The following MDGA1 variants were observed in gnomAD, a reference collection of about 807,000 sequenced individuals.
MDGA1 encodes MAM domain containing glycosylphosphatidylinositol anchor 1.
MDGA1 carries 54 observed loss-of-function variants against 101.5 expected under a neutral mutation model. The observed-to-expected ratio is 0.53, with a 90% CI of 0.43 to 0.67. The LOEUF (loss-of-function observed/expected upper bound fraction) is 0.67, where lower values mean the gene tolerates loss of function less well. Ranked by LOEUF, MDGA1 falls within the 30% of genes least tolerant of loss-of-function variation. MDGA1 has a pLI of 0.00. For synonymous variants in MDGA1, 533 were observed against 558.3 expected, an observed-to-expected ratio of 0.95 and a Z score of 0.64; for missense variants, 1,083 against 1,323.8, an observed-to-expected ratio of 0.82 and a Z score of 2.82.
intron 1 of MDGA1, among the ~76,000 whole-genome samples, chr6:37,674,382 C>A (rs908337317): frequency 4.6e-5 from 7 of 152,244 alleles, no homozygotes; most frequent in Admixed American, 2.6e-4. Context: ...TGCAAGCCTG[C>A]TACAGTTTGC....
chr6:37,679,612 C>G (rs1168793956), intron 1 of MDGA1, among the ~76,000 whole-genome samples: 1 of 152,204 alleles, frequency 6.6e-6, no homozygotes, highest in Non-Finnish European at 1.5e-5. Context: ...CATGCCGCCT[C>G]CCTGGTGGCA....
chr6:37,670,966 G>A (rs74401738), intron 1 of MDGA1, among the ~76,000 whole-genome samples: 2,191 of 152,272 alleles, frequency 0.014, 56 homozygotes, highest in African/African-American at 0.05. Flanking sequence ...TCAGAGGCAT[G>A]GCTGGATTTG....
chr6:37,648,895 A>T, intron 9 of MDGA1, 87 bp downstream of exon 9: 1 of 1,468,348 alleles, frequency 6.8e-7, no homozygotes, highest in Non-Finnish European at 9.0e-7. Flanking sequence ...AGGCCCACCC[A>T]GGCAAAGAAT....
At position 37,638,718 on chromosome 6, in the gene MDGA1, C is replaced by A; in HGVS notation, c.2537-51G>T. On this transcript the variant is annotated intron_variant, in intron 14 of 16. Transcript: ENST00000434837. The surrounding 1 kb of genome is among the most constrained non-coding windows in gnomAD (Gnocchi z 4.8). The stretch of plus-strand genomic sequence containing the variant: ...CAGTGAGATCTGGCCAGGGCACCCT[C>A]ACCTTTCCACATTTACCAAGCCCTC... The A allele has an allele frequency of 6.4e-7, 1 of 1,564,918 alleles. No individual in the cohort carries two copies. The highest frequency in any genetic ancestry group is 2.4e-5 in the East Asian group (1 of 42,238).
intron 1 of MDGA1, among the ~76,000 whole-genome samples, chr6:37,686,306 T>C (rs1762195664): frequency 6.6e-6 from 1 of 152,032 alleles, no homozygotes; most frequent in Non-Finnish European, 1.5e-5. Context: ...AGGCAAAATG[T>C]CAAAAGGCAG....
At chr6:37,677,493 G>A (rs1762005921) in intron 1 of MDGA1, among the ~76,000 whole-genome samples, 1 of 152,214 alleles carries the variant, frequency 6.6e-6, no homozygotes, top group Admixed American at 6.5e-5. Flanking sequence ...GATGCAGGGG[G>A]TGTCCTGCGG....
Position 37,646,294 on chromosome 6 carries a change from C to G in MDGA1, c.2128G>C (p.Asp710His). ...TCATAGCTGTGGGGCACACGGAGAT[C>G]GGTCAGGATGTACTCCAGCAGCTGC... is the stretch of plus-strand genomic sequence containing the variant. ...KGQLLEYILT[D>H]LRVPHSYEVR... is the part of the protein sequence containing the mutation. Residue 710 changes from aspartate (D) to histidine (H), a missense_variant, in exon 11 of 17, where the codon GAT (aspartate) becomes CAT (histidine). By Grantham distance (81) the Asp-to-His change is moderately conservative. Around this residue, in one of 3 missense-constraint regions of MDGA1, gnomAD observed 657 missense variants for 771.4 expected, o/e 0.85. Transcript: ENST00000434837. 6.2e-7 allele frequency: 1 copy of G among 1,601,132 alleles called. No homozygotes were observed. The highest frequency in any genetic ancestry group is 8.5e-7 in the Non-Finnish European group (1 of 1,173,442).
In MDGA1 at chr6:37,655,100, G is replaced by A. The variant is rs576026879; in HGVS notation, c.580-168C>T. 1.3e-5 allele frequency: 10 copies of A among 767,226 alleles called. No homozygotes were observed. In the South Asian group the frequency reaches 1.8e-4, roughly 14 times the overall value. 47.5% of individuals were successfully genotyped at this position (767,226 alleles called of 1,614,324 possible). Reference sequence around the variant, plus strand: ...GCCCCAGGGGTCCTGAGCCTGGGGTGGATGCTACACTCTCCATAGCCTTGG... The same window carrying A: ...GCCCCAGGGGTCCTGAGCCTGGGGTAGATGCTACACTCTCCATAGCCTTGG... On this transcript the variant is annotated intron_variant, in intron 4 of 16. Coordinates refer to ENST00000434837, the MANE Select transcript of MDGA1 (RefSeq NM_153487.4). This position sits in a 1 kb window ranked among gnomAD's most constrained non-coding sequence, Gnocchi z 5.1.
At chr6:37,672,516 G>T (rs186637656) in intron 1 of MDGA1, among the ~76,000 whole-genome samples, 1 of 152,224 alleles carries the variant, frequency 6.6e-6, no homozygotes, top group Non-Finnish European at 1.5e-5. Context: ...CAGGGAAAGA[G>T]TCTGCAGGCT....
At chr6:37,658,529 C>T (rs1315401758) in intron 2 of MDGA1, 110 bp from the exon 3 acceptor site, 11 of 1,164,920 alleles carry the variant, frequency 9.4e-6, no homozygotes, top group South Asian at 1.5e-5. Flanking sequence ...TTTTCACAAG[C>T]GCACGTGGGG....
chr6:37,685,465 A>G (rs1043914915), intron 1 of MDGA1, among the ~76,000 whole-genome samples: 2 of 152,244 alleles, frequency 1.3e-5, no homozygotes, highest in African/African-American at 4.8e-5. Flanking sequence ...GGCACTGAGC[A>G]AACAGCAGTG....
chr6:37,679,741 C>T (rs774320080), intron 1 of MDGA1, among the ~76,000 whole-genome samples: 1 of 152,210 alleles, frequency 6.6e-6, no homozygotes. Flanking sequence ...ACATGCCAGG[C>T]ACATGGCTTC....
chr6:37,667,446 A>G (rs1379107534), intron 1 of MDGA1, among the ~76,000 whole-genome samples: 1 of 152,188 alleles, frequency 6.6e-6, no homozygotes, highest in East Asian at 1.9e-4. Flanking sequence ...CTTTCTATGA[A>G]TTTTGTAATC....
At chr6:37,651,089 G>A (rs1761348964) in intron 7 of MDGA1, among the ~76,000 whole-genome samples, 1 of 152,260 alleles carries the variant, frequency 6.6e-6, no homozygotes, top group Admixed American at 6.5e-5. Flanking sequence ...AGCAAGCCAG[G>A]TGGAGCCTGG....
rs1763917825 is a variant in MDGA1 at position 37,635,854 on chromosome 6, C to T, written c.*1514G>A. 5.0e-6 allele frequency: 2 copies of T among 398,016 alleles called. No homozygotes were observed. Among genetic ancestry groups the T allele is most frequent in the African/African-American group, 4.1e-5 (2 of 48,638 alleles). 24.7% of individuals were successfully genotyped at this position (398,016 alleles called of 1,614,324 possible). A position where few individuals can be genotyped will look rare whatever the true frequency, so the allele number is the denominator to read the frequency against. On this transcript the variant is annotated 3_prime_UTR_variant, in exon 17 of 17. Transcript: ENST00000434837. ...GGACAGAGTCTATTCAGCCAGCACC[C>T]TACAAGCGAACACATCACTCAGGAA...
intron 1 of MDGA1, among the ~76,000 whole-genome samples, chr6:37,665,677 T>C (rs1342783388): frequency 6.6e-6 from 1 of 152,196 alleles, no homozygotes; most frequent in Non-Finnish European, 1.5e-5. Context: ...AGCTTTCTCT[T>C]GATAAAAGAC....
intron 14 of MDGA1, among the ~76,000 whole-genome samples, chr6:37,640,566 C>T (rs1764044757): frequency 6.6e-6 from 1 of 152,100 alleles, no homozygotes; most frequent in African/African-American, 2.4e-5. Flanking sequence ...GTCTAGAACT[C>T]CTGGCCTCCA....
chr6:37,680,843 G>C (rs1169733133), intron 1 of MDGA1, among the ~76,000 whole-genome samples: 1 of 152,262 alleles, frequency 6.6e-6, no homozygotes, highest in African/African-American at 2.4e-5. Flanking sequence ...GCCTGGCGCA[G>C]GCCCCAGTGC....
In MDGA1 at chr6:37,652,923, C is replaced by T. The variant is rs1230776408; in HGVS notation, c.983-583G>A. ...AATTCTTACATTTCACTCTTTTGTG[C>T]TGTTTGACTCTTTGTAATAAGTGAG... On this transcript the variant is annotated intron_variant, in intron 6 of 16. Transcript: ENST00000434837. The surrounding 1 kb of genome is among the most constrained non-coding windows in gnomAD (Gnocchi z 4.3). Among the ~76,000 whole-genome samples, 2 of 152,176 alleles carry T rather than the reference C, an allele frequency of 1.3e-5. No homozygotes were observed. The highest frequency in any genetic ancestry group is 4.8e-5 in the African/African-American group (2 of 41,434).
Sources: gnomAD v4.1 joint callset for allele counts (sites outside exome capture counted in the v4.1 genomes callset) on GRCh38, gnomAD v4.1.1 for gene constraint, gnomAD v4.1.1 regional missense constraint, Gnocchi (gnomAD v3.1) non-coding constraint, MANE v1.5 for transcripts, NCBI Gene and HGNC (gene_info 2026-07-23, HGNC 2026-07-21) for gene names.